CNTNAP2: variants seen among roughly 807,000 people sequenced by gnomAD.
CNTNAP2 encodes contactin associated protein 2.
A neutral mutation model predicts 155.2 loss-of-function variants in CNTNAP2; 98 were observed. That is an observed-to-expected ratio of 0.63 (90% CI 0.54 to 0.75). CNTNAP2 has a LOEUF of 0.75. CNTNAP2 is among the 30% of genes least tolerant of loss of function. The pLI, the probability that CNTNAP2 is intolerant of heterozygous loss-of-function variation, is 0.00. For synonymous variants in CNTNAP2, 651 were observed against 631.2 expected (o/e 1.03, Z -0.47); for missense variants, 1,727 against 1,688.1 (o/e 1.02, Z -0.40).
chr7:146,978,980 C>T (rs1797964433), intron 3 of CNTNAP2, among the ~76,000 whole-genome samples: 2 of 152,076 alleles, frequency 1.3e-5, no homozygotes, highest in Non-Finnish European at 1.5e-5. Flanking sequence ...TATGGTTTAG[C>T]TATACCTCCT....
chr7:148,123,710 GAGAAAGAAAGAAAAGAAAAAGGA>G (rs367869544), intron 16 of CNTNAP2, among the ~76,000 whole-genome samples: 2,150 of 150,382 alleles, frequency 0.014, 55 homozygotes, highest in African/African-American at 0.05. Context: ...GAGAGAAACA[GAGAAAGAAAGAAAAGAAAAAGGA>G]AGAAAGAAAG....
intron 13 of CNTNAP2, among the ~76,000 whole-genome samples, chr7:147,743,697 C>CTT (rs5888282): frequency 7.0e-4 from 105 of 150,394 alleles, no homozygotes; most frequent in African/African-American, 2.0e-3. Flanking sequence ...TTTTTTGTGA[C>CTT]TTTTTTTTTC....
chr7:146,206,483 T>A (rs1329062633), intron 1 of CNTNAP2, among the ~76,000 whole-genome samples: 1 of 151,764 alleles, frequency 6.6e-6, no homozygotes, highest in Non-Finnish European at 1.5e-5. Flanking sequence ...AAAGTAAAAA[T>A]AGGTTTATAA....
intron 13 of CNTNAP2, among the ~76,000 whole-genome samples, chr7:147,743,210 C>T (rs1048114385): frequency 3.3e-5 from 5 of 152,096 alleles, no homozygotes; most frequent in Admixed American, 1.3e-4. Flanking sequence ...TGGTCATATG[C>T]GATGTCCACT....
rs78266549 is a variant in CNTNAP2 at position 148,135,019 on chromosome 7, T to G, written c.2555-12472T>G. Among the ~76,000 whole-genome samples the G allele has an allele frequency of 1.6e-3, 250 of 152,302 alleles. 6 individuals are homozygous for G. In the East Asian group the frequency reaches 0.035, roughly 21 times the overall value. ...AATATTTTAAGAACACATTTTCATGTCATTTTTCTTAAGACTCCATAACAA... is the reference window on the plus strand; with the variant it reads ...AATATTTTAAGAACACATTTTCATGGCATTTTTCTTAAGACTCCATAACAA... On this transcript the variant is annotated intron_variant, in intron 16 of 23. Transcript: ENST00000361727.
At chr7:147,819,964 A>G (rs1435563990) in intron 13 of CNTNAP2, among the ~76,000 whole-genome samples, 1 of 152,172 alleles carries the variant, frequency 6.6e-6, no homozygotes, top group Admixed American at 6.5e-5. Context: ...TAAAGCTGCT[A>G]TAACATTTTT....
At chr7:148,311,104 G>A (rs956465288) in intron 21 of CNTNAP2, among the ~76,000 whole-genome samples, 2 of 152,176 alleles carry the variant, frequency 1.3e-5, no homozygotes, top group Non-Finnish European at 2.9e-5. Context: ...GGGGGGAGTA[G>A]AGTTGATATA....
intron 5 of CNTNAP2, among the ~76,000 whole-genome samples, chr7:147,114,871 T>A (rs890807930): frequency 1.3e-5 from 2 of 152,168 alleles, no homozygotes; most frequent in Middle Eastern, 3.2e-3. Context: ...GCTGGTTAGT[T>A]TGCAGGCTTG....
intron 1 of CNTNAP2, among the ~76,000 whole-genome samples, chr7:146,614,114 T>A (rs1263272452): frequency 1.3e-5 from 2 of 152,162 alleles, no homozygotes; most frequent in African/African-American, 4.8e-5. Context: ...TCCTATTTAA[T>A]TTTTAAGCAA....
chr7:146,621,283 C>G (rs1799312589), intron 1 of CNTNAP2, among the ~76,000 whole-genome samples: 1 of 152,158 alleles, frequency 6.6e-6, no homozygotes, highest in South Asian at 2.1e-4. Context: ...CAACCAGTTT[C>G]CCCTATTAAC....
intron 21 of CNTNAP2, among the ~76,000 whole-genome samples, chr7:148,383,228 A>C (rs1385429511): frequency 6.6e-6 from 1 of 151,200 alleles, no homozygotes; most frequent in Non-Finnish European, 1.5e-5. Flanking sequence ...GAAGAAGAAA[A>C]TAAGTAAGAG....
intron 13 of CNTNAP2, chr7:147,849,769 G>C (rs538058180): frequency 1.3e-5 from 2 of 152,374 alleles, no homozygotes; most frequent in African/African-American, 4.8e-5. Context: ...GTGGTCAGGA[G>C]GCAAGTGAGA....
Position 147,248,873 on chromosome 7 carries a change from T to C in CNTNAP2, c.1349-51268T>C, listed in dbSNP as rs574338780. On this transcript the variant is annotated intron_variant, in intron 8 of 23. Transcript: ENST00000361727. The stretch of plus-strand genomic sequence containing the variant: ...AAGAGAGAACAAGGTTGTAAGGAGC[T>C]TAGGACAGAAGAGACCAAGCTGTCT... 1.3e-3 allele frequency among the ~76,000 whole-genome samples: 200 copies of C among 152,176 alleles called. 1 individual carries two copies. The highest frequency in any genetic ancestry group is 2.5e-3 in the Non-Finnish European group (173 of 68,034).
intron 3 of CNTNAP2, among the ~76,000 whole-genome samples, chr7:146,973,903 A>G (rs928995567): frequency 6.6e-6 from 1 of 152,190 alleles, no homozygotes; most frequent in East Asian, 1.9e-4. Context: ...CTTCATGAAT[A>G]TGAATTGAGC....
intron 3 of CNTNAP2, 59 bp downstream of exon 3, chr7:146,839,963 T>C: frequency 6.4e-7 from 1 of 1,551,076 alleles, no homozygotes; most frequent in Non-Finnish European, 8.9e-7. Flanking sequence ...TAGAAAATGG[T>C]ACAGGATTTA....
intron 10 of CNTNAP2, among the ~76,000 whole-genome samples, chr7:147,424,273 T>C (rs540010652): frequency 7.9e-5 from 12 of 152,286 alleles, no homozygotes; most frequent in African/African-American, 2.9e-4. Context: ...TTCTTTTGCC[T>C]CATTCTTTTT....
At chr7:146,921,579 G>A (rs560198872) in intron 3 of CNTNAP2, among the ~76,000 whole-genome samples, 7 of 152,192 alleles carry the variant, frequency 4.6e-5, no homozygotes, top group Admixed American at 6.5e-5. Context: ...GCAGAGTCAC[G>A]TTTTACATGA....
chr7:147,582,521 C>T (rs1421365303), intron 12 of CNTNAP2, among the ~76,000 whole-genome samples: 1 of 151,984 alleles, frequency 6.6e-6, no homozygotes, highest in Non-Finnish European at 1.5e-5. Flanking sequence ...AAGTACAAAA[C>T]AAGTGTCATT....
At chr7:147,410,352 C>T (rs1346969756) in intron 10 of CNTNAP2, among the ~76,000 whole-genome samples, 1 of 152,074 alleles carries the variant, frequency 6.6e-6, no homozygotes, top group Non-Finnish European at 1.5e-5. Context: ...AACACATGGA[C>T]ACATAGAGGG....
Sources: allele counts gnomAD v4.1 joint callset (sites outside exome capture counted in the v4.1 genomes callset), GRCh38; gene constraint gnomAD v4.1.1; transcripts MANE v1.5; gene names NCBI Gene and HGNC (gene_info 2026-07-23, HGNC 2026-07-21).